CFAP100: variants seen among roughly 807,000 people sequenced by gnomAD.
CFAP100 encodes cilia- and flagella-associated protein 100.
A neutral mutation model predicts 81.5 loss-of-function variants in CFAP100; 70 were observed. The observed-to-expected ratio is 0.86, with a 90% confidence interval of 0.71 to 1.05. The LOEUF is 1.05. Ranked by LOEUF, CFAP100 falls within the 50% of genes least tolerant of loss-of-function variation. CFAP100 has a pLI of 0.00. For synonymous variants in CFAP100, 341 were observed against 314.8 expected (o/e 1.08, Z -0.88); for missense variants, 811 against 776.5 (o/e 1.04, Z -0.53).
intron 1 of CFAP100, chr3:126,395,373 T>G (rs1273290858): frequency 6.6e-6 from 1 of 152,228 alleles, no homozygotes; most frequent in Non-Finnish European, 1.5e-5. Context: ...GAATCTCTGC[T>G]TCCTCCCCTG....
chr3:126,416,572 C>A, intron 5 of CFAP100, 64 bp downstream of exon 5: 2 of 1,363,102 alleles, frequency 1.5e-6, no homozygotes, highest in African/African-American at 1.5e-5. Context: ...GCTCAGGGGG[C>A]GCGCCTGGAA....
rs1424775717 is a variant in CFAP100, at chr3:126,395,951, T to C, written c.-50T>C. The stretch of plus-strand genomic sequence containing the variant: ...CTGTGTCACTCCTCAGGTGAGGATC[T>C]CCTTTAGAAGAGGAGAAGCCTTGCA... On this transcript the variant is annotated 5_prime_UTR_variant, in exon 2 of 17. Transcript: ENST00000352312. 4.0e-6 allele frequency: 6 copies of C among 1,514,208 alleles called. No homozygotes were observed. In the Admixed American group the frequency reaches 5.0e-5, roughly 13 times the overall value. The allele number at this position is 1,514,208 out of a possible 1,614,324, so 93.8% of individuals were successfully genotyped here. A position where few individuals can be genotyped will look rare whatever the true frequency, so the allele number is the denominator to read the frequency against.
chr3:126,417,856 A>T (rs547926688), intron 5 of CFAP100, among the ~76,000 whole-genome samples: 1 of 152,350 alleles, frequency 6.6e-6, no homozygotes, highest in East Asian at 1.9e-4. Context: ...ACAGCTCCCA[A>T]ATCAGAGACA....
chr3:126,407,340 T>G, intron 3 of CFAP100, 88 bp downstream of exon 3: 2 of 764,924 alleles, frequency 2.6e-6, no homozygotes, highest in Non-Finnish European at 4.4e-6. Context: ...ACCAGGTCTC[T>G]AGAGCTAAGG....
chr3:126,400,563 C>T (rs917940950), intron 2 of CFAP100, among the ~76,000 whole-genome samples: 4 of 152,094 alleles, frequency 2.6e-5, no homozygotes, highest in East Asian at 1.9e-4. Context: ...ACCATCCTGG[C>T]TAACATGGTG....
rs1252786798 is a variant in CFAP100 at position 126,433,076 on chromosome 3, G to A, written c.1294G>A (p.Glu432Lys). The change falls in exon 14 of 17, where the codon GAG (glutamate) becomes AAG (lysine). Residue 432 changes from glutamate (E) to lysine (K), a missense_variant. Glu to Lys is a moderately conservative substitution (Grantham distance 56). Transcript: ENST00000352312. ...GGTTTTCCCCTCTTCCAGGGACAGG[G>A]AGGTCAACCAGCTGAAGCAGTGGGT... ...LKHTQIRMDREVNQLKQWVTT... is the reference protein window; with the variant it reads ...LKHTQIRMDRKVNQLKQWVTT... 12 of 1,613,996 alleles carry A rather than the reference G, an allele frequency of 7.4e-6. No homozygotes were observed. Among genetic ancestry groups the A allele is most frequent in the Non-Finnish European group, 9.3e-6 (11 of 1,180,022 alleles).
At chr3:126,435,793 A>G in intron 16 of CFAP100, 141 bp downstream of exon 16, 1 of 635,412 alleles carries the variant, frequency 1.6e-6, no homozygotes, top group Non-Finnish European at 2.7e-6. Context: ...CTGCCTTCGG[A>G]GCAAGGCCTC....
chr3:126,425,007 G>A (rs1317374275), intron 13 of CFAP100, among the ~76,000 whole-genome samples: 1 of 152,206 alleles, frequency 6.6e-6, no homozygotes, highest in African/African-American at 2.4e-5. Flanking sequence ...GTGCAGTATG[G>A]CAAAGAGTCC....
chr3:126,432,678 G>C lies in CFAP100; in HGVS notation c.1287-391G>C, dbSNP rs565715290. The C allele has an allele frequency of 5.6e-5, 9 of 161,410 alleles. No individual in the cohort carries two copies. The East Asian group carries it at 1.6e-3, about 29-fold the overall frequency. 10.0% of individuals were successfully genotyped at this position (161,410 alleles called of 1,614,324 possible). On this transcript the variant is annotated intron_variant, in intron 13 of 16. Transcript: ENST00000352312. The stretch of plus-strand genomic sequence containing the variant: ...CATGGTGGCTTAAGACCAAAGGATA[G>C]AGGGGACAATGAGGAGTGACTGTTA...
At chr3:126,435,523 TC>T (rs1280792055) in intron 15 of CFAP100, 35 bp from the exon 16 acceptor site, 3 of 1,572,106 alleles carry the variant, frequency 1.9e-6, no homozygotes, top group Non-Finnish European at 1.7e-6. Context: ...ACCTTCCAGG[TC>T]CCCCCAGTTT....
intron 4 of CFAP100, among the ~76,000 whole-genome samples, chr3:126,415,191 C>T (rs1229617659): frequency 2.0e-5 from 3 of 152,116 alleles, no homozygotes; most frequent in African/African-American, 4.8e-5. Context: ...AACACACTCT[C>T]TCCACCACAC....
intron 13 of CFAP100, among the ~76,000 whole-genome samples, chr3:126,431,042 C>A (rs1040329074): frequency 3.9e-5 from 6 of 152,312 alleles, no homozygotes; most frequent in African/African-American, 1.4e-4. Context: ...TTCTTTCAGT[C>A]TTTAGGGACT....
intron 16 of CFAP100, among the ~76,000 whole-genome samples, chr3:126,435,905 G>C (rs1387422695): frequency 1.3e-5 from 2 of 152,152 alleles, no homozygotes; most frequent in Non-Finnish European, 2.9e-5. Context: ...CCCCAGCCAG[G>C]TACACTCTGC....
At chr3:126,406,746 G>A (rs1177800496) in intron 2 of CFAP100, among the ~76,000 whole-genome samples, 2 of 152,332 alleles carry the variant, frequency 1.3e-5, no homozygotes, top group East Asian at 1.9e-4. Context: ...AGCTCCCTGA[G>A]GAGGTGGGGT....
rs1254424726 is a variant in CFAP100, at chr3:126,416,372, A to G, written c.282A>G (p.Lys94=). The G allele has an allele frequency of 1.5e-5, 24 of 1,611,100 alleles. No homozygotes were observed. Among genetic ancestry groups the G allele is most frequent in the Non-Finnish European group, 1.9e-5 (22 of 1,178,984 alleles). ...RVHQKMTYSS[K]VSAKHTSLRR... is the part of the protein sequence containing the mutation. Reference sequence around the variant, plus strand: ...ACCAGAAGATGACCTACTCCTCGAAAGTGTCGGCTAAGCACACCAGCCTGC... The same window carrying G: ...ACCAGAAGATGACCTACTCCTCGAAGGTGTCGGCTAAGCACACCAGCCTGC... Residue 94 remains lysine (K), a synonymous_variant, in exon 5 of 17, where the codon AAA becomes AAG. Transcript: ENST00000352312.
At chr3:126,414,556 C>T (rs1249505733) in intron 4 of CFAP100, among the ~76,000 whole-genome samples, 2 of 152,218 alleles carry the variant, frequency 1.3e-5, no homozygotes, top group Non-Finnish European at 2.9e-5. Flanking sequence ...CTCTCCCATC[C>T]CACAGGCACC....
chr3:126,434,595 G>A lies in CFAP100; in HGVS notation c.1628+214G>A, dbSNP rs368053145. 4.2e-3 allele frequency: 2,376 copies of A among 560,604 alleles called. 20 individuals are homozygous for A. The highest frequency in any genetic ancestry group is 0.011 in the Middle Eastern group (24 of 2,096). 34.7% of individuals were successfully genotyped at this position (560,604 alleles called of 1,614,324 possible). ...AAAGCTTCCTAGAGCAAACGACAGT[G>A]ACTCGATGTGGCCAGGAGGCTCAGG... On this transcript the variant is annotated intron_variant, in intron 15 of 16. Coordinates refer to ENST00000352312, the MANE Select transcript of CFAP100 (RefSeq NM_182628.3).
chr3:126,435,537 AATGTC>A lies in CFAP100; in HGVS notation c.1629-19_1629-15del. Reference sequence around the variant, plus strand: ...CACCTTCCAGGTCCCCCCAGTTTTCAATGTCATTTCTTGCCACCCAGACTTCGAGA... The same window carrying A: ...CACCTTCCAGGTCCCCCCAGTTTTCAATTTCTTGCCACCCAGACTTCGAGA... On this transcript the variant is annotated splice_polypyrimidine_tract_variant and intron_variant, in intron 15 of 16. Coordinates refer to ENST00000352312, the MANE Select transcript of CFAP100 (RefSeq NM_182628.3). The A allele has an allele frequency of 6.2e-7, 1 of 1,603,210 alleles. No individual in the cohort carries two copies. The highest frequency in any genetic ancestry group is 1.1e-5 in the South Asian group (1 of 90,326).
chr3:126,421,629 T>G (rs2083333335), intron 11 of CFAP100, among the ~76,000 whole-genome samples: 1 of 152,166 alleles, frequency 6.6e-6, no homozygotes, highest in Non-Finnish European at 1.5e-5. Flanking sequence ...GCTCAGCCCT[T>G]CTGCTCTCCA....
Sources: allele counts gnomAD v4.1 joint callset (sites outside exome capture counted in the v4.1 genomes callset), GRCh38; gene constraint gnomAD v4.1.1; transcripts MANE v1.5; gene names NCBI Gene and HGNC (gene_info 2026-07-23, HGNC 2026-07-21).